Variants in NF1 observed in about 807,000 individuals in gnomAD.
The protein encoded by NF1 is neurofibromin 1, also known as neurofibromin.
Under a neutral mutation model 325.7 loss-of-function variants are expected in NF1, and 122 were observed. The ratio of observed to expected loss-of-function variants is 0.37; its 90% confidence interval spans 0.32 to 0.44. The LOEUF is 0.44. Among genes scored for constraint, NF1 ranks in the 20% least tolerant of loss-of-function variants. NF1 has a pLI of 1.00. For synonymous variants in NF1, 1,091 were observed against 1,186.0 expected, an observed-to-expected ratio of 0.92 and a Z score of 1.65; for missense variants, 2,140 against 3,415.4, an observed-to-expected ratio of 0.63 and a Z score of 9.31.
intron 8 of NF1, among the ~76,000 whole-genome samples, chr17:31,197,146 G>A (rs1386828800): frequency 6.6e-6 from 1 of 151,626 alleles, no homozygotes; most frequent in Admixed American, 6.6e-5. Context: ...CCAGGGTCAC[G>A]CCATTCTACT....
At chr17:31,335,080 T>C in intron 40 of NF1, 49 bp downstream of exon 40, 1 of 1,499,884 alleles carries the variant, frequency 6.7e-7, no homozygotes. Flanking sequence ...TGTGCACATA[T>C]TTATCTGGTG....
At chr17:31,308,967 C>T (rs1597806160) in intron 36 of NF1, among the ~76,000 whole-genome samples, 2 of 152,278 alleles carry the variant, frequency 1.3e-5, no homozygotes, top group African/African-American at 4.8e-5. Flanking sequence ...AAGAAAAATA[C>T]TTATCTAGAG....
At chr17:31,309,567 C>A (rs1489235568) in intron 36 of NF1, among the ~76,000 whole-genome samples, 1 of 152,134 alleles carries the variant, frequency 6.6e-6, no homozygotes, top group Non-Finnish European at 1.5e-5. Flanking sequence ...TTTTAAAAAT[C>A]TGTTTTAATG....
chr17:31,117,672 C>CAAAAAAAAAAAAAAAAAAAAA (rs780828438), intron 1 of NF1, among the ~76,000 whole-genome samples: 2 of 19,816 alleles, frequency 1.0e-4, no homozygotes, highest in African/African-American at 1.2e-4. Flanking sequence ...AACTCCATCT[C>CAAAAAAAAAAAAAAAAAAAAA]AAAAAAAAAA....
At chr17:31,167,690 T>G (rs1393293325) in intron 4 of NF1, among the ~76,000 whole-genome samples, 1 of 152,206 alleles carries the variant, frequency 6.6e-6, no homozygotes, top group Non-Finnish European at 1.5e-5. Flanking sequence ...TTTGAAAATC[T>G]GAGTGCTGTG....
chr17:31,229,314 C>T lies in NF1; in HGVS notation c.2699C>T (p.Ser900Phe), dbSNP rs2151429470. ...AGCAAATTTATGGATCGGCTGTTGTCCTTAATGGTGTGTAACCATGAGAAA... is the reference window on the plus strand; with the variant it reads ...AGCAAATTTATGGATCGGCTGTTGTTCTTAATGGTGTGTAACCATGAGAAA... Reference protein sequence around the residue: ...PVSKFMDRLLSLMVCNHEKVG... With the variant: ...PVSKFMDRLLFLMVCNHEKVG... The change falls in exon 21 of 58, where the codon TCC becomes TTC. Residue 900 changes from serine to phenylalanine, a missense_variant. Ser to Phe is a radical substitution (Grantham distance 155). Coordinates refer to ENST00000358273, the MANE Select transcript of NF1 (RefSeq NM_001042492.3). The T allele has an allele frequency of 1.9e-6, 3 of 1,613,908 alleles. No homozygotes were observed. The highest frequency in any genetic ancestry group is 2.5e-6 in the Non-Finnish European group (3 of 1,179,828).
chr17:31,344,820 C>A (rs1242393540), intron 48 of NF1, among the ~76,000 whole-genome samples: 1 of 152,216 alleles, frequency 6.6e-6, no homozygotes, highest in African/African-American at 2.4e-5. Context: ...TGCCTGTAAT[C>A]CCAACACTTT....
chr17:31,338,248 AT>A, intron 45 of NF1, 109 bp downstream of exon 45: 1 of 806,724 alleles, frequency 1.2e-6, no homozygotes, highest in Non-Finnish European at 2.2e-6. Flanking sequence ...GAAATATCTT[AT>A]ATGTTACTTA....
At chr17:31,329,954 A>G (rs1034828857) in intron 38 of NF1, among the ~76,000 whole-genome samples, 9 of 152,114 alleles carry the variant, frequency 5.9e-5, no homozygotes, top group Admixed American at 3.9e-4. Context: ...CCTTATTCTG[A>G]CTTAATTTCT....
At chr17:31,307,151 A>G (rs1161621173) in intron 36 of NF1, among the ~76,000 whole-genome samples, 3 of 152,148 alleles carry the variant, frequency 2.0e-5, no homozygotes, top group Middle Eastern at 3.4e-3. Flanking sequence ...GCCTCCAAGT[A>G]GCTGGGATTA....
chr17:31,357,934 G>A (rs941061767), intron 54 of NF1: 6 of 165,280 alleles, frequency 3.6e-5, no homozygotes, highest in Non-Finnish European at 6.6e-5. Context: ...TTAATGGAGT[G>A]TAGCCGGGTT....
intron 54 of NF1, 39 bp downstream of exon 54, chr17:31,357,408 T>A (rs775386065): frequency 1.3e-6 from 2 of 1,495,510 alleles, no homozygotes; most frequent in South Asian, 2.3e-5. Context: ...CCTTCGTGCC[T>A]GTCTTTAAGT....
At chr17:31,356,391 T>C (rs2070271232) in intron 51 of NF1, 69 bp from the exon 52 acceptor site, 4 of 1,526,850 alleles carry the variant, frequency 2.6e-6, no homozygotes, top group Non-Finnish European at 3.6e-6. Context: ...AAACATTTTC[T>C]TTTTAGTGTA....
At chr17:31,221,065 C>T (rs1567844707) in intron 14 of NF1, among the ~76,000 whole-genome samples, 1 of 151,920 alleles carries the variant, frequency 6.6e-6, no homozygotes, top group Non-Finnish European at 1.5e-5. Context: ...AAAGAAATGT[C>T]CAGAGCTTCA....
intron 36 of NF1, among the ~76,000 whole-genome samples, chr17:31,274,771 G>A (rs983017466): frequency 2.7e-5 from 4 of 149,726 alleles, no homozygotes; most frequent in South Asian, 4.2e-4. Flanking sequence ...GTAATGTTTC[G>A]AACTTGAGCA....
chr17:31,287,531 C>T (rs1331221212), intron 36 of NF1, among the ~76,000 whole-genome samples: 1 of 142,978 alleles, frequency 7.0e-6, no homozygotes, highest in Non-Finnish European at 1.5e-5. Flanking sequence ...GTGCTTTGAT[C>T]TCATTCATAA....
At chr17:31,142,848 T>C (rs1473340424) in intron 1 of NF1, among the ~76,000 whole-genome samples, 15 of 148,150 alleles carry the variant, frequency 1.0e-4, no homozygotes, top group East Asian at 2.0e-4. Context: ...GCCTGGGCGA[T>C]AGAGCGAGAC....
Position 31,337,794 on chromosome 17 carries a change from G to C in NF1, c.6643-25G>C, listed in dbSNP as rs764810748. 1.4e-5 allele frequency: 22 copies of C among 1,608,760 alleles called. No individual in the cohort carries two copies. In the African/African-American group the frequency reaches 2.8e-4, roughly 21 times the overall value. The stretch of plus-strand genomic sequence containing the variant: ...TTCTAAAAACATTTATGTACAATAT[G>C]TATTCAGAGTATCCCCTTTTTTAGG... On this transcript the variant is annotated intron_variant, in intron 43 of 57. Transcript: ENST00000358273.
intron 8 of NF1, among the ~76,000 whole-genome samples, chr17:31,190,043 TGAG>T (rs1315653930): frequency 6.9e-6 from 1 of 144,676 alleles, no homozygotes; most frequent in Non-Finnish European, 1.5e-5. Flanking sequence ...ATTACAGGCA[TGAG>T]CCATTGCGCC....
Sources: gnomAD v4.1 joint callset for allele counts (sites outside exome capture counted in the v4.1 genomes callset) on GRCh38, gnomAD v4.1.1 for gene constraint, MANE v1.5 for transcripts, NCBI Gene and HGNC (gene_info 2026-07-23, HGNC 2026-07-21) for gene names.